ZNF331: variants seen among roughly 807,000 people sequenced by gnomAD.
ZNF331 encodes C2H2-like zinc finger protein rearranged in thyroid adenomas.
ZNF331 carries 2 observed loss-of-function variants against 7.0 expected under a neutral mutation model. The observed-to-expected ratio is 0.29, with a 90% CI of 0.12 to 0.90. The LOEUF (loss-of-function observed/expected upper bound fraction) is 0.90, where lower values mean the gene tolerates loss of function less well. Among genes scored for constraint, ZNF331 ranks in the 40% least tolerant of loss-of-function variants. The probability of loss-of-function intolerance (pLI) is 0.58; values close to 1 mark genes in which losing one functional copy is unlikely to be tolerated. For missense variants in ZNF331, 432 were observed against 587.7 expected, an observed-to-expected ratio of 0.74 and a Z score of 2.74; for synonymous variants, 196 against 205.4, an observed-to-expected ratio of 0.95 and a Z score of 0.39.
intron 5 of ZNF331, among the ~76,000 whole-genome samples, chr19:53,572,714 G>GT: frequency 6.6e-6 from 1 of 151,628 alleles, no homozygotes; most frequent in African/African-American, 2.4e-5. Flanking sequence ...CACTGTGTGT[G>GT]TAAGTACATT....
chr19:53,563,966 G>A (rs1011713376), intron 3 of ZNF331, among the ~76,000 whole-genome samples: 20 of 145,612 alleles, frequency 1.4e-4, no homozygotes, highest in African/African-American at 5.1e-4. Flanking sequence ...CCGGGAGGGA[G>A]AGGTTGCAGT....
chr19:53,570,983 C>T (rs563289119), intron 4 of ZNF331, among the ~76,000 whole-genome samples: 15 of 152,006 alleles, frequency 9.9e-5, no homozygotes, highest in South Asian at 2.1e-4. Flanking sequence ...CTCAGCCTCC[C>T]GAGTAGCTGG....
intron 2 of ZNF331, among the ~76,000 whole-genome samples, chr19:53,554,347 TG>T (rs1391348038): frequency 6.6e-6 from 1 of 151,916 alleles, no homozygotes; most frequent in Admixed American, 6.6e-5. Flanking sequence ...ACGCATGCGT[TG>T]GGGGTCTGTG....
At chr19:53,557,078 C>T (rs546912189) in intron 3 of ZNF331, among the ~76,000 whole-genome samples, 1 of 150,474 alleles carries the variant, frequency 6.6e-6, no homozygotes, top group Admixed American at 6.7e-5. Context: ...CTGCCTCGGC[C>T]TCCCAAAGTG....
the ZNF331 span, among the ~76,000 whole-genome samples, chr19:53,512,890 C>T: frequency 1.3e-5 from 2 of 150,074 alleles, no homozygotes; most frequent in Admixed American, 6.7e-5. Context: ...ACCATCCCCC[C>T]GTCTGTGGAA....
At chr19:53,536,553 C>A (rs2087756451), upstream of ZNF331, among the ~76,000 whole-genome samples, 1 of 152,122 alleles carries the variant, frequency 6.6e-6, no homozygotes, top group South Asian at 2.1e-4. Context: ...GTATAACAGA[C>A]CATGGTTTAA....
At chr19:53,536,745 C>CA (rs1240119760), upstream of ZNF331, among the ~76,000 whole-genome samples, 1 of 151,860 alleles carries the variant, frequency 6.6e-6, no homozygotes, top group Admixed American at 6.6e-5. Flanking sequence ...TCTAAAAATA[C>CA]AAAAAAAATT....
chr19:53,541,513 C>G (rs533229910), intron 2 of ZNF331, among the ~76,000 whole-genome samples: 2 of 152,130 alleles, frequency 1.3e-5, no homozygotes, highest in African/African-American at 4.8e-5. Context: ...GATAATAGTT[C>G]ACAGCAGCCT....
intron 3 of ZNF331, among the ~76,000 whole-genome samples, chr19:53,559,873 G>A (rs1473575302): frequency 2.1e-5 from 3 of 145,866 alleles, no homozygotes; most frequent in African/African-American, 7.7e-5. Flanking sequence ...ACACACACGA[G>A]CATATACACA....
At position 53,558,901 on chromosome 19, in the gene ZNF331, T is replaced by TACATATATACACACAC. The variant is rs2089605629; in HGVS notation, c.-74+2994_-74+2995insCATATATACACACACA. On this transcript the variant is annotated intron_variant, in intron 3 of 5. Transcript: ENST00000449416. This position sits in a 1 kb window ranked among gnomAD's most constrained non-coding sequence, Gnocchi z 4.5. ...CCATATATACACACATATACACACC[T>TACATATATACACACAC]ATACACACCTACATATATACACACA... 3.7e-5 allele frequency among the ~76,000 whole-genome samples: 2 copies of TACATATATACACACAC among 53,350 alleles called. No homozygotes were observed. The highest frequency in any genetic ancestry group is 5.2e-4 in the African/African-American group (2 of 3,862). 35.0% of individuals were successfully genotyped at this position (53,350 alleles called of 152,430 possible). A position where few individuals can be genotyped will look rare whatever the true frequency, so the allele number is the denominator to read the frequency against.
At chr19:53,515,183 C>T (rs544956213), upstream of ZNF331, among the ~76,000 whole-genome samples, 4 of 152,250 alleles carry the variant, frequency 2.6e-5, no homozygotes, top group South Asian at 2.1e-4. Context: ...TCTCCTGCTC[C>T]GCGTTCTGTT....
the ZNF331 span, among the ~76,000 whole-genome samples, chr19:53,507,504 A>T: frequency 2.0e-5 from 3 of 152,206 alleles, no homozygotes; most frequent in Admixed American, 2.0e-4. Flanking sequence ...TCATCGGTGA[A>T]AATTTTATGC....
In ZNF331 at chr19:53,579,033, A is replaced by T. The variant is rs1167387751; in HGVS notation, c.*1081A>T. 3.3e-5 allele frequency: 6 copies of T among 184,446 alleles called. No individual in the cohort carries two copies. The highest frequency in any genetic ancestry group is 5.7e-5 in the Non-Finnish European group (5 of 87,050). The allele number at this position is 184,446 out of a possible 1,614,324, so 11.4% of individuals were successfully genotyped here. On this transcript the variant is annotated 3_prime_UTR_variant, in exon 6 of 6. Transcript: ENST00000449416. Reference sequence around the variant, plus strand: ...CAGGCTGGTCTCAACTCCTGACCTCAGGTGATCCACCCACCTTGCCCTCCC... The same window carrying T: ...CAGGCTGGTCTCAACTCCTGACCTCTGGTGATCCACCCACCTTGCCCTCCC...
chr19:53,532,022 T>A lies in ZNF331; in HGVS notation c.-204-7194T>A, dbSNP rs563635411. 2.0e-5 allele frequency among the ~76,000 whole-genome samples: 3 copies of A among 152,222 alleles called. No homozygotes were observed. The East Asian group carries it at 5.8e-4, about 29-fold the overall frequency. On this transcript the variant is annotated intron_variant, in intron 2 of 6. Coordinates refer to the ZNF331 transcript ENST00000253144. ...AATAACAAATTATGTGCTTATTATG[T>A]ACAACATTATGTTTTGATATGTGTG...
chr19:53,525,018 C>T (rs1267308358), intron 2 of ZNF331, among the ~76,000 whole-genome samples: 3 of 152,082 alleles, frequency 2.0e-5, no homozygotes, highest in Admixed American at 6.6e-5. Flanking sequence ...TTATTAAAAA[C>T]GGAATCCTTT....
At chr19:53,521,900 C>T (rs1385580741) in exon 1 of ZNF331, 1 of 152,224 alleles carries the variant, frequency 6.6e-6, no homozygotes, top group African/African-American at 2.4e-5. Context: ...CCATGTGGTA[C>T]CTGCTAGGGA....
intron 2 of ZNF331, among the ~76,000 whole-genome samples, chr19:53,541,391 C>A (rs1310446872): frequency 6.6e-6 from 1 of 152,140 alleles, no homozygotes; most frequent in Non-Finnish European, 1.5e-5. Flanking sequence ...CAGGCGTGAG[C>A]CACCGTGCCC....
chr19:53,549,426 G>A (rs1022948780), intron 2 of ZNF331, among the ~76,000 whole-genome samples: 6 of 152,154 alleles, frequency 3.9e-5, no homozygotes, highest in East Asian at 1.9e-4. Context: ...AATGAAATCC[G>A]TCCTCCCAGG....
chr19:53,540,108 G>A (rs1366276286), intron 2 of ZNF331, among the ~76,000 whole-genome samples: 1 of 152,196 alleles, frequency 6.6e-6, no homozygotes, highest in African/African-American at 2.4e-5. Flanking sequence ...CTTCAAAAGA[G>A]AGGAGCCTGG....
Sources: gnomAD v4.1 joint callset for allele counts (sites outside exome capture counted in the v4.1 genomes callset) on GRCh38, gnomAD v4.1.1 for gene constraint, Gnocchi (gnomAD v3.1) non-coding constraint, MANE v1.5 for transcripts, NCBI Gene and HGNC (gene_info 2026-07-23, HGNC 2026-07-21) for gene names.